NHERF2: variants seen among roughly 807,000 people sequenced by gnomAD.
The protein encoded by NHERF2 is NHERF family PDZ scaffold protein 2.
chr16:2,033,937 T>C, the NHERF2 span, among the ~76,000 whole-genome samples: 2 of 151,632 alleles, frequency 1.3e-5, no homozygotes, highest in Admixed American at 6.6e-5. Flanking sequence ...AATGAAGGGG[T>C]TTAGGTTTGA....
the NHERF2 span, chr16:2,027,327 G>A: frequency 6.8e-6 from 4 of 584,586 alleles, no homozygotes; most frequent in South Asian, 6.6e-5. Context: ...GGGAGGACGC[G>A]GACGTTGTCG....
At chr16:2,038,428 TCCCCCTTG>T in the NHERF2 span, 1 of 120,758 alleles carries the variant, frequency 8.3e-6, no homozygotes, top group Non-Finnish European at 1.5e-5. Context: ...CCCCTTCCCC[TCCCCCTTG>T]GGACGCGCTC....
the NHERF2 span, chr16:2,036,660 C>T: frequency 1.9e-6 from 3 of 1,583,368 alleles, no homozygotes; most frequent in Non-Finnish European, 2.6e-6. Flanking sequence ...TTTGATGCCA[C>T]ACCTGGCCAC....
chr16:2,038,432 C>G, the NHERF2 span: 2 of 389,554 alleles, frequency 5.1e-6, no homozygotes, highest in Non-Finnish European at 9.8e-6. Flanking sequence ...TTCCCCTCCC[C>G]CTTGGGACGC....
chr16:2,033,300 T>TC, the NHERF2 span: 4 of 1,531,782 alleles, frequency 2.6e-6, no homozygotes, highest in South Asian at 1.2e-5. Flanking sequence ...GGCCAGAGAG[T>TC]TCAGGCCACC....
At chr16:2,036,526 G>A in the NHERF2 span, 2,516 of 1,564,890 alleles carry the variant, frequency 1.6e-3, 21 homozygotes, top group Middle Eastern at 8.6e-3. Context: ...CAGGGCTGCG[G>A]GGTGCCGAGT....
the NHERF2 span, chr16:2,035,395 G>C: frequency 1.0e-6 from 1 of 981,336 alleles, no homozygotes; most frequent in Non-Finnish European, 1.2e-6. Context: ...CCCCAGCCCT[G>C]GCCTGGCCTG....
At chr16:2,037,223 G>A in the NHERF2 span, among the ~76,000 whole-genome samples, 1 of 152,292 alleles carries the variant, frequency 6.6e-6, no homozygotes, top group Non-Finnish European at 1.5e-5. Context: ...GTCCTCTCCT[G>A]GGCACCACCT....
At chr16:2,037,724 C>T in the NHERF2 span, 1 of 1,550,830 alleles carries the variant, frequency 6.4e-7, no homozygotes, top group East Asian at 2.4e-5. Context: ...GAGCCCCAGC[C>T]CCAGCAGGCA....
chr16:2,037,565 C>G, the NHERF2 span: 2 of 1,612,610 alleles, frequency 1.2e-6, no homozygotes, highest in Non-Finnish European at 1.7e-6. Flanking sequence ...GTGCTCGTCC[C>G]GAAGTGACCT....
the NHERF2 span, chr16:2,029,401 G>A: frequency 3.3e-6 from 2 of 615,344 alleles, no homozygotes; most frequent in Non-Finnish European, 5.8e-6. Context: ...TGAGTGCAGA[G>A]GGAGGGAGCC....
At chr16:2,035,196 G>A in the NHERF2 span, among the ~76,000 whole-genome samples, 1 of 152,158 alleles carries the variant, frequency 6.6e-6, no homozygotes, top group South Asian at 2.1e-4. Context: ...GAGCCCAGGG[G>A]ACAGAGCACT....
the NHERF2 span, chr16:2,033,174 G>C: frequency 1.4e-6 from 2 of 1,431,598 alleles, no homozygotes; most frequent in African/African-American, 2.9e-5. Context: ...CTTCGCAGGG[G>C]AGCGGGCTCA....
At chr16:2,033,532 C>T in the NHERF2 span, 1 of 1,272,844 alleles carries the variant, frequency 7.9e-7, no homozygotes. Flanking sequence ...TGTAAGCAGG[C>T]TGGTCGCTGA....
chr16:2,038,061 C>A, the NHERF2 span: 1 of 1,549,014 alleles, frequency 6.5e-7, no homozygotes, highest in East Asian at 2.3e-5. Context: ...CGAGCTCCCC[C>A]AGCCTCAGTG....
At chr16:2,031,001 C>T in the NHERF2 span, among the ~76,000 whole-genome samples, 1 of 152,168 alleles carries the variant, frequency 6.6e-6, no homozygotes, top group Non-Finnish European at 1.5e-5. Context: ...CAGGGGTTGG[C>T]CAGACCCCAC....
At chr16:2,035,843 C>A in the NHERF2 span, 1 of 269,594 alleles carries the variant, frequency 3.7e-6, no homozygotes, top group Non-Finnish European at 5.7e-6. Flanking sequence ...AATGTGAAAG[C>A]AAACAGAGCC....
the NHERF2 span, among the ~76,000 whole-genome samples, chr16:2,027,388 T>C: frequency 6.6e-6 from 1 of 150,732 alleles, no homozygotes; most frequent in African/African-American, 2.4e-5. Flanking sequence ...AGCTCAGTCC[T>C]GCACGGGGGT....
chr16:2,035,396 GC>G, the NHERF2 span: 9 of 981,588 alleles, frequency 9.2e-6, no homozygotes, highest in Non-Finnish European at 1.1e-5. Flanking sequence ...CCCAGCCCTG[GC>G]CTGGCCTGGC....
Sources: allele counts gnomAD v4.1 joint callset (sites outside exome capture counted in the v4.1 genomes callset), GRCh38; gene constraint gnomAD v4.1.1; transcripts MANE v1.5; gene names NCBI Gene and HGNC (gene_info 2026-07-23, HGNC 2026-07-21).